The following CDH12 variants were observed in gnomAD, a reference collection of about 807,000 sequenced individuals.
CDH12 encodes the protein cadherin-12.
In CDH12, 41 loss-of-function variants were observed where a neutral mutation model predicts 74.1. The ratio of observed to expected loss-of-function variants is 0.55; its 90% confidence interval spans 0.43 to 0.72. The LOEUF (loss-of-function observed/expected upper bound fraction) is 0.72. CDH12 is among the 30% of genes least tolerant of loss of function. The pLI is 0.00. For missense variants in CDH12, 945 were observed against 977.2 expected, an observed-to-expected ratio of 0.97 and a Z score of 0.44; for synonymous variants, 399 against 355.0, an observed-to-expected ratio of 1.12 and a Z score of -1.39.
chr5:22,666,592 C>T (rs1021832577), intron 1 of CDH12, among the ~76,000 whole-genome samples: 2 of 152,052 alleles, frequency 1.3e-5, no homozygotes, highest in African/African-American at 4.8e-5. Flanking sequence ...GCCCGGCCCT[C>T]TCTATCTTAC....
At chr5:22,757,391 T>G (rs957204341) in intron 1 of CDH12, among the ~76,000 whole-genome samples, 3 of 152,000 alleles carry the variant, frequency 2.0e-5, no homozygotes, top group African/African-American at 7.3e-5. Flanking sequence ...AAGTAAAACT[T>G]AGTCTGAGGT....
At chr5:22,080,832 C>T (rs370790285) in intron 4 of CDH12, among the ~76,000 whole-genome samples, 9 of 151,842 alleles carry the variant, frequency 5.9e-5, no homozygotes, top group Middle Eastern at 3.4e-3. Context: ...CAGGCTGGAG[C>T]GCAGTGGCGT....
chr5:21,843,988 C>A (rs1412598331), intron 7 of CDH12, among the ~76,000 whole-genome samples: 1 of 152,030 alleles, frequency 6.6e-6, no homozygotes, highest in African/African-American at 2.4e-5. Context: ...TCATTTCCAG[C>A]ATAAAAATTT....
chr5:22,036,045 G>A (rs1739159173), intron 5 of CDH12, among the ~76,000 whole-genome samples: 1 of 152,072 alleles, frequency 6.6e-6, no homozygotes. Context: ...TGACATATAA[G>A]GGCCATTAAC....
intron 3 of CDH12, among the ~76,000 whole-genome samples, chr5:22,388,492 A>G (rs1742096718): frequency 6.6e-6 from 1 of 152,248 alleles, no homozygotes; most frequent in East Asian, 1.9e-4. Context: ...TCATATTAAG[A>G]CCTAACAAGG....
At chr5:22,225,500 A>AT (rs1407561403) in intron 3 of CDH12, among the ~76,000 whole-genome samples, 1 of 152,102 alleles carries the variant, frequency 6.6e-6, no homozygotes, top group East Asian at 1.9e-4. Flanking sequence ...AGCTTTGAAT[A>AT]TTTTTTATTT....
chr5:22,225,047 T>C (rs116470925), intron 3 of CDH12, among the ~76,000 whole-genome samples: 389 of 152,044 alleles, frequency 2.6e-3, no homozygotes, highest in African/African-American at 8.9e-3. Context: ...TAGCTAAAAT[T>C]TGTGGGTTGA....
rs1376233061 is a variant in CDH12 at position 21,751,980 on chromosome 5, C to T, written c.2142G>A (p.Arg714=). 6 of 1,613,912 alleles carry T rather than the reference C, an allele frequency of 3.7e-6. No homozygotes were observed. The highest frequency in any genetic ancestry group is 5.1e-6 in the Non-Finnish European group (6 of 1,180,014). Residue 714 remains arginine (R), a synonymous_variant, in exon 15 of 15, where the codon AGG becomes AGA. Transcript: ENST00000382254. The stretch of plus-strand genomic sequence containing the variant: ...CCTGTAGCCTTTGATGAATGAAATC[C>T]CTTATGTCTGTGTTATCTTCCATGG... The part of the protein sequence containing the change: ...RPPMEDNTDI[R]DFIHQRLQEN...
At chr5:21,883,971 CA>C in intron 6 of CDH12, 2 of 1,600,754 alleles carry the variant, frequency 1.2e-6, no homozygotes, top group Non-Finnish European at 1.7e-6. Context: ...TAATGAAGAT[CA>C]AAAAATTGGT....
chr5:22,411,841 C>G (rs1743183520), intron 2 of CDH12, among the ~76,000 whole-genome samples: 1 of 151,966 alleles, frequency 6.6e-6, no homozygotes, highest in African/African-American at 2.4e-5. Flanking sequence ...ATGAATACTT[C>G]AGAGACTACC....
chr5:22,331,850 G>A (rs1183521468), intron 3 of CDH12, among the ~76,000 whole-genome samples: 2 of 152,076 alleles, frequency 1.3e-5, no homozygotes, highest in Non-Finnish European at 2.9e-5. Context: ...AAATTCTGAA[G>A]TTCAAAAATG....
intron 6 of CDH12, among the ~76,000 whole-genome samples, chr5:21,867,123 G>A (rs780293197): frequency 3.3e-5 from 5 of 152,170 alleles, no homozygotes; most frequent in Non-Finnish European, 4.4e-5. Flanking sequence ...GGGATGCCAA[G>A]AAGGGTGGAT....
intron 1 of CDH12, among the ~76,000 whole-genome samples, chr5:22,629,660 A>G (rs562993179): frequency 6.6e-6 from 1 of 152,252 alleles, no homozygotes; most frequent in African/African-American, 2.4e-5. Flanking sequence ...CATCATAATG[A>G]ATGAGCAAAA....
chr5:22,537,385 G>A (rs990988162), intron 1 of CDH12, among the ~76,000 whole-genome samples: 40 of 152,166 alleles, frequency 2.6e-4, no homozygotes, highest in Admixed American at 2.6e-3. Flanking sequence ...TAATACAGTA[G>A]TATTGACAGA....
chr5:21,790,613 A>C (rs1468961750), intron 10 of CDH12, among the ~76,000 whole-genome samples: 1 of 152,102 alleles, frequency 6.6e-6, no homozygotes, highest in Non-Finnish European at 1.5e-5. Flanking sequence ...AAATTTGGAA[A>C]ATAATACCTC....
At chr5:22,363,005 A>G (rs924741115) in intron 3 of CDH12, among the ~76,000 whole-genome samples, 4 of 150,094 alleles carry the variant, frequency 2.7e-5, no homozygotes, top group East Asian at 1.9e-4. Context: ...TGGGTGCAGC[A>G]CACCAACATG....
intron 3 of CDH12, among the ~76,000 whole-genome samples, chr5:22,336,322 G>A (rs1739579320): frequency 6.6e-6 from 1 of 152,210 alleles, no homozygotes; most frequent in African/African-American, 2.4e-5. Context: ...ATTATCTGAA[G>A]AGAAATTCAA....
intron 2 of CDH12, among the ~76,000 whole-genome samples, chr5:22,481,953 A>C (rs1000418733): frequency 6.6e-6 from 1 of 152,214 alleles, no homozygotes; most frequent in Admixed American, 6.5e-5. Context: ...AATTATATAC[A>C]TTAATTATAT....
intron 3 of CDH12, among the ~76,000 whole-genome samples, chr5:22,378,198 C>T (rs973520203): frequency 3.3e-5 from 5 of 151,990 alleles, no homozygotes; most frequent in African/African-American, 1.2e-4. Flanking sequence ...AGTTGCTATT[C>T]CAGAAGTTAC....
Sources: allele counts gnomAD v4.1 joint callset (sites outside exome capture counted in the v4.1 genomes callset), GRCh38; gene constraint gnomAD v4.1.1; transcripts MANE v1.5; gene names NCBI Gene and HGNC (gene_info 2026-07-23, HGNC 2026-07-21).